LOXL2: variants seen among roughly 807,000 people sequenced by gnomAD.
The protein encoded by LOXL2 is lysyl oxidase like 2.
Under a neutral mutation model 93.0 loss-of-function variants are expected in LOXL2, and 70 were observed. The observed-to-expected ratio is 0.75, with a 90% CI of 0.62 to 0.92. The LOEUF is 0.92. Ranked by LOEUF, LOXL2 falls within the 40% of genes least tolerant of loss-of-function variation. The probability of loss-of-function intolerance (pLI) is 0.00; values close to 1 mark genes in which losing one functional copy is unlikely to be tolerated. For missense variants in LOXL2, 973 were observed against 1,054.9 expected, an observed-to-expected ratio of 0.92 and a Z score of 1.08; for synonymous variants, 438 against 413.2, an observed-to-expected ratio of 1.06 and a Z score of -0.73.
Position 23,303,332 on chromosome 8 carries a change from G to A in LOXL2, c.1946C>T (p.Ala649Val), listed in dbSNP as rs922810019. The A allele has an allele frequency of 6.2e-7, 1 of 1,613,682 alleles. No individual in the cohort carries two copies. The highest frequency in any genetic ancestry group is 2.2e-5 in the East Asian group (1 of 44,852). ...GCAGAAGCTGGCCTTGTGGCCCTCTGCCACCTTGGTGCCATTGAGGTTCAG... is the reference window on the plus strand; with the variant it reads ...GCAGAAGCTGGCCTTGTGGCCCTCTACCACCTTGGTGCCATTGAGGTTCAG... The part of the protein sequence containing the change: ...DLLNLNGTKV[A>V]EGHKASFCLE... Residue 649 changes from alanine (A) to valine (V), a missense_variant, in exon 11 of 14, where the codon GCA becomes GTA. Physicochemically the swap from Ala to Val is moderately conservative, Grantham distance 64 (BLOSUM62 0). Transcript: ENST00000389131.
chr8:23,299,184 A>G (rs983104063), intron 12 of LOXL2, among the ~76,000 whole-genome samples: 1 of 152,184 alleles, frequency 6.6e-6, no homozygotes. Flanking sequence ...TCCGTGTAAC[A>G]CACACCCCTC....
chr8:23,298,090 A>G lies in LOXL2; in HGVS notation c.2278T>C (p.Phe760Leu). 1 of 1,613,826 alleles carries G rather than the reference A, an allele frequency of 6.2e-7. No homozygotes were observed. The highest frequency in any genetic ancestry group is 1.1e-5 in the South Asian group (1 of 91,060). The change falls in exon 14 of 14, where the codon TTT becomes CTT. Residue 760 changes from phenylalanine to leucine, a missense_variant. Transcript: ENST00000389131. Reference protein sequence around the residue: ...GSFSEETEKKFEHFSGLLNNQ... With the variant: ...GSFSEETEKKLEHFSGLLNNQ... ...TTTAAGAGCCCGCTGAAGTGCTCAA[A>G]CTTTTTTTCCGTCTCTTCGCTGAAG...
chr8:23,303,895 G>T (rs1803183826), intron 10 of LOXL2, among the ~76,000 whole-genome samples: 1 of 152,256 alleles, frequency 6.6e-6, no homozygotes, highest in Non-Finnish European at 1.5e-5. Context: ...GCAGCAGAAA[G>T]AACAGGAATA....
At chr8:23,306,983 G>C (rs549993327) in intron 10 of LOXL2, among the ~76,000 whole-genome samples, 1 of 152,242 alleles carries the variant, frequency 6.6e-6, no homozygotes, top group East Asian at 1.9e-4. Flanking sequence ...GCCAATCTTT[G>C]TGTTTCAGCC....
intron 2 of LOXL2, among the ~76,000 whole-genome samples, chr8:23,366,829 C>G (rs1804408791): frequency 6.6e-6 from 1 of 152,154 alleles, no homozygotes. Flanking sequence ...TAAAAAGAAA[C>G]AATTCCCTCC....
chr8:23,350,543 C>A (rs1804075152), intron 3 of LOXL2, among the ~76,000 whole-genome samples: 1 of 152,216 alleles, frequency 6.6e-6, no homozygotes, highest in Admixed American at 6.5e-5. Flanking sequence ...GCACTCCAGC[C>A]TGGGCAACAA....
intron 4 of LOXL2, 148 bp downstream of exon 4, chr8:23,340,844 C>T (rs1295752586): frequency 2.8e-6 from 2 of 726,496 alleles, no homozygotes; most frequent in Admixed American, 2.2e-5. Flanking sequence ...CTGGCCCGGC[C>T]CAGGGGCTCT....
In LOXL2 at chr8:23,340,955, T is replaced by C. The variant is rs73545994; in HGVS notation, c.743+37A>G. The C allele has an allele frequency of 2.6e-4, 403 of 1,563,066 alleles. 1 individual carries two copies. In the African/African-American group the frequency reaches 5.0e-3, roughly 19 times the overall value. On this transcript the variant is annotated intron_variant, in intron 4 of 13. Transcript: ENST00000389131. ...TTTTAACTCTTTTAGGCAGGGCGGA[T>C]ACCCTCAAAGCCACCCCTTTGGTGC... is the stretch of plus-strand genomic sequence containing the variant.
chr8:23,354,542 G>C (rs1804151502), intron 3 of LOXL2, among the ~76,000 whole-genome samples: 2 of 151,954 alleles, frequency 1.3e-5, no homozygotes, highest in Non-Finnish European at 1.5e-5. Flanking sequence ...AAAAGGCAAA[G>C]AGAGAACCCA....
intron 6 of LOXL2, among the ~76,000 whole-genome samples, chr8:23,324,360 A>T (rs1347550486): frequency 6.6e-6 from 1 of 152,172 alleles, no homozygotes; most frequent in African/African-American, 2.4e-5. Context: ...CCTGAAGCAC[A>T]CATACCCATG....
chr8:23,346,205 T>TAATA (rs1803981834), intron 3 of LOXL2, among the ~76,000 whole-genome samples: 1 of 80,962 alleles, frequency 1.2e-5, no homozygotes, highest in African/African-American at 6.6e-5. Flanking sequence ...TAAAATAAAA[T>TAATA]AAATAAAATA....
chr8:23,399,368 TC>T (rs1800130081), intron 1 of LOXL2, among the ~76,000 whole-genome samples: 1 of 152,216 alleles, frequency 6.6e-6, no homozygotes, highest in Non-Finnish European at 1.5e-5. Flanking sequence ...TGAAATTTAA[TC>T]CCCAATGTGG....
rs901468621 is a variant in LOXL2, at chr8:23,298,446, T to C, written c.2246-324A>G. On this transcript the variant is annotated intron_variant, in intron 13 of 13. Transcript: ENST00000389131. ...CCTATCATCCAAGGAAAAAAGTGTC[T>C]TTATTGGAGACTAGAAATAACAGTA... is the stretch of plus-strand genomic sequence containing the variant. Among the ~76,000 whole-genome samples the C allele has an allele frequency of 1.1e-4, 16 of 152,356 alleles. 1 individual carries two copies. In the East Asian group the frequency reaches 2.3e-3, roughly 22 times the overall value.
chr8:23,358,116 G>A (rs1209189961), intron 3 of LOXL2, among the ~76,000 whole-genome samples: 3 of 152,204 alleles, frequency 2.0e-5, no homozygotes. Context: ...TTGTGAAACT[G>A]GGTTGGACAA....
rs551769246 is a variant in LOXL2, at chr8:23,369,083, G to A, written c.-83-649C>T. On this transcript the variant is annotated intron_variant, in intron 1 of 13. Transcript: ENST00000389131. ...CTCCTGGAACATGGGGGCCGGTGGA[G>A]AAGGAGCGGGTCTGAAGGGGTGAGG... Among the ~76,000 whole-genome samples the A allele has an allele frequency of 5.4e-4, 82 of 152,316 alleles. 1 individual carries two copies. Among genetic ancestry groups the A allele is most frequent in the Middle Eastern group, 3.4e-3 (1 of 294 alleles).
intron 12 of LOXL2, among the ~76,000 whole-genome samples, chr8:23,301,525 T>A (rs1803131371): frequency 6.6e-6 from 1 of 152,230 alleles, no homozygotes; most frequent in South Asian, 2.1e-4. Context: ...TGGCCCCTTC[T>A]GCAGATCCTC....
At position 23,368,400 on chromosome 8, in the gene LOXL2, AGG is replaced by A. The variant is rs766163643; in HGVS notation, c.-51_-50del. On this transcript the variant is annotated 5_prime_UTR_variant, in exon 2 of 14. Coordinates refer to ENST00000389131, the MANE Select transcript of LOXL2 (RefSeq NM_002318.3). ...CACGAAGGGGCCCTGCGCAGCTGGG[AGG>A]GACAGGCGGGGTACAGAAGCAGCAG... 5 of 1,528,502 alleles carry A rather than the reference AGG, an allele frequency of 3.3e-6. No individual in the cohort carries two copies. The highest frequency in any genetic ancestry group is 3.4e-5 in the Admixed American group (2 of 59,264). The allele number at this position is 1,528,502 out of a possible 1,614,324, so 94.7% of individuals were successfully genotyped here. A position where few individuals can be genotyped will look rare whatever the true frequency, so the allele number is the denominator to read the frequency against.
Position 23,368,202 on chromosome 8 carries a change from G to C in LOXL2, c.150C>G (p.Pro50=). 6.2e-7 allele frequency: 1 copy of C among 1,614,016 alleles called. No homozygotes were observed. Among genetic ancestry groups the C allele is most frequent in the Non-Finnish European group, 8.5e-7 (1 of 1,180,024 alleles). The change falls in exon 2 of 14, where the codon CCC becomes CCG. Residue 50 remains proline (P), a synonymous_variant. Transcript: ENST00000389131. The part of the protein sequence containing the change: ...PAPEYHQPQA[P]ANVAKIQLRL... ...GCAGCTGAATCTTGGCCACGTTGGCGGGGGCCTGGGGCTGGTGATACTCAG... is the reference window on the plus strand; with the variant it reads ...GCAGCTGAATCTTGGCCACGTTGGCCGGGGCCTGGGGCTGGTGATACTCAG...
At chr8:23,383,816 A>G (rs1049477879) in intron 1 of LOXL2, among the ~76,000 whole-genome samples, 5 of 151,002 alleles carry the variant, frequency 3.3e-5, no homozygotes, top group Middle Eastern at 3.2e-3. Context: ...GCCCGCCACC[A>G]CGCCCGGCTA....
Sources: gnomAD v4.1 joint callset for allele counts (sites outside exome capture counted in the v4.1 genomes callset) on GRCh38, gnomAD v4.1.1 for gene constraint, MANE v1.5 for transcripts, NCBI Gene and HGNC (gene_info 2026-07-23, HGNC 2026-07-21) for gene names.